Variants in C1GALT1 observed in about 807,000 individuals in gnomAD.
The protein encoded by C1GALT1 is core 1 synthase, glycoprotein-N-acetylgalactosamine 3-beta-galactosyltransferase 1.
A neutral mutation model predicts 31.0 loss-of-function variants in C1GALT1; 11 were observed. The ratio of observed to expected loss-of-function variants is 0.36; its 90% CI spans 0.22 to 0.59. The LOEUF (loss-of-function observed/expected upper bound fraction) is 0.59. Among genes scored for constraint, C1GALT1 ranks in the 20% least tolerant of loss-of-function variants. The probability of loss-of-function intolerance (pLI) is 0.79; values close to 1 mark genes in which losing one functional copy is unlikely to be tolerated. For synonymous variants in C1GALT1, 175 were observed against 143.6 expected, an observed-to-expected ratio of 1.22 and a Z score of -1.56; for missense variants, 424 against 425.2, an observed-to-expected ratio of 1.00 and a Z score of 0.03.
intron 1 of C1GALT1, among the ~76,000 whole-genome samples, chr7:7,196,760 C>T (rs938438011): frequency 2.6e-5 from 4 of 152,190 alleles, no homozygotes; most frequent in Non-Finnish European, 2.9e-5. Flanking sequence ...GCCATTCTAA[C>T]TGGTGTGAAA....
intron 2 of C1GALT1, among the ~76,000 whole-genome samples, chr7:7,167,808 T>C (rs114864902): frequency 6.6e-6 from 1 of 152,162 alleles, no homozygotes; most frequent in African/African-American, 2.4e-5. Flanking sequence ...TTTCTCACCC[T>C]CTCTTTTCCT....
chr7:7,218,104 A>T (rs908931452), intron 1 of C1GALT1, among the ~76,000 whole-genome samples: 2 of 152,180 alleles, frequency 1.3e-5, no homozygotes, highest in African/African-American at 4.8e-5. Context: ...GAGTTAGGAA[A>T]GGGGAGCAGT....
intron 1 of C1GALT1, among the ~76,000 whole-genome samples, chr7:7,227,468 C>G (rs934092891): frequency 6.6e-6 from 1 of 152,274 alleles, no homozygotes; most frequent in African/African-American, 2.4e-5. Context: ...CGCCTGTAAT[C>G]CCAGCACTTT....
chr7:7,182,184 C>G (rs933174487), upstream of C1GALT1, among the ~76,000 whole-genome samples: 1 of 152,156 alleles, frequency 6.6e-6, no homozygotes, highest in African/African-American at 2.4e-5. Flanking sequence ...GGGTTAAGAG[C>G]AGGCTACAGG....
chr7:7,234,325 C>G lies in C1GALT1; in HGVS notation c.6C>G (p.Ala2=), dbSNP rs1783234952. The change falls in exon 2 of 4, where the codon GCC becomes GCG. Residue 2 remains alanine, a synonymous_variant. Coordinates refer to ENST00000436587, the MANE Select transcript of C1GALT1 (RefSeq NM_020156.5). The stretch of plus-strand genomic sequence containing the variant: ...CAGAAATACACTTTCGGGAAATGGC[C>G]TCTAAATCCTGGCTGAATTTTTTAA... The part of the protein sequence containing the change: M[A]SKSWLNFLTF... 1.9e-6 allele frequency: 3 copies of G among 1,613,274 alleles called. No homozygotes were observed. In the South Asian group the frequency reaches 3.3e-5, roughly 18 times the overall value.
intron 1 of C1GALT1, among the ~76,000 whole-genome samples, chr7:7,227,588 C>T (rs888652985): frequency 3.3e-5 from 5 of 151,366 alleles, no homozygotes; most frequent in East Asian, 1.9e-4. Context: ...GGCGTAGTGG[C>T]GGGCGCCTGT....
intron 1 of C1GALT1, among the ~76,000 whole-genome samples, chr7:7,200,329 G>A (rs9718646): frequency 6.6e-6 from 1 of 152,124 alleles, no homozygotes; most frequent in Non-Finnish European, 1.5e-5. Flanking sequence ...TGAAATTCTG[G>A]GTTAGAAATT....
chr7:7,214,402 C>T (rs59107518), intron 1 of C1GALT1, among the ~76,000 whole-genome samples: 4,228 of 152,124 alleles, frequency 0.028, 168 homozygotes, highest in African/African-American at 0.095. Context: ...TGAGGAGAGC[C>T]TTTTTCCAGA....
chr7:7,227,891 C>T lies in C1GALT1; in HGVS notation c.-17-6412C>T, dbSNP rs189913567. ...CTTTGGCCTTGGACTTTCTAGCCTC[C>T]GTAACTGTAAGAAATAAATGCTTTC... On this transcript the variant is annotated intron_variant, in intron 1 of 3. Transcript: ENST00000436587. Among the ~76,000 whole-genome samples the T allele has an allele frequency of 1.1e-3, 161 of 152,238 alleles. 1 individual carries two copies. Among genetic ancestry groups the T allele is most frequent in the Middle Eastern group, 0.01 (3 of 294 alleles).
chr7:7,181,055 A>G (rs1175620999), upstream of C1GALT1, among the ~76,000 whole-genome samples: 2 of 152,336 alleles, frequency 1.3e-5, no homozygotes, highest in Middle Eastern at 3.4e-3. Flanking sequence ...TGCTCAATGG[A>G]AAAAAGTGTT....
At chr7:7,163,242 G>A (rs1780356556) in intron 2 of C1GALT1, among the ~76,000 whole-genome samples, 1 of 152,084 alleles carries the variant, frequency 6.6e-6, no homozygotes, top group Non-Finnish European at 1.5e-5. Context: ...GGTTTTTATG[G>A]TTTTAGGTCT....
Position 7,226,319 on chromosome 7 carries a change from A to G in C1GALT1, c.-17-7984A>G, listed in dbSNP as rs536817897. 1.6e-4 allele frequency among the ~76,000 whole-genome samples: 25 copies of G among 152,324 alleles called. 1 individual carries two copies. Among genetic ancestry groups the G allele is most frequent in the Admixed American group, 1.4e-3 (22 of 15,306 alleles). On this transcript the variant is annotated intron_variant, in intron 1 of 3. Coordinates refer to ENST00000436587, the MANE Select transcript of C1GALT1 (RefSeq NM_020156.5). The stretch of plus-strand genomic sequence containing the variant: ...TGCCATAATCCAGAGCAAAATTAGA[A>G]GTACCTGATTGTCACCTTGGCAAAA...
intron 1 of C1GALT1, among the ~76,000 whole-genome samples, chr7:7,195,680 A>C (rs1781254773): frequency 6.6e-6 from 1 of 152,120 alleles, no homozygotes; most frequent in Non-Finnish European, 1.5e-5. Flanking sequence ...ATGTCTGTTA[A>C]GTCAATTTGT....
chr7:7,231,985 T>A (rs1158072119), intron 1 of C1GALT1, among the ~76,000 whole-genome samples: 1 of 152,244 alleles, frequency 6.6e-6, no homozygotes, highest in Non-Finnish European at 1.5e-5. Flanking sequence ...TTCAGAGTCC[T>A]TGATAAGAGC....
intron 1 of C1GALT1, among the ~76,000 whole-genome samples, chr7:7,189,792 C>T (rs904468053): frequency 6.6e-6 from 1 of 151,968 alleles, no homozygotes; most frequent in African/African-American, 2.4e-5. Flanking sequence ...TATTTTCTTC[C>T]AGTTTTGTTT....
At chr7:7,211,450 C>G (rs183866932) in intron 1 of C1GALT1, among the ~76,000 whole-genome samples, 1 of 152,178 alleles carries the variant, frequency 6.6e-6, no homozygotes, top group Non-Finnish European at 1.5e-5. Context: ...GTAAAACTTT[C>G]ATGCTTCCTT....
intron 1 of C1GALT1, among the ~76,000 whole-genome samples, chr7:7,203,983 T>C (rs1280510399): frequency 6.6e-6 from 1 of 152,114 alleles, no homozygotes; most frequent in African/African-American, 2.4e-5. Context: ...TTCCCCTTCT[T>C]GGTTTCTACT....
chr7:7,196,593 T>C (rs1353004065), intron 1 of C1GALT1, among the ~76,000 whole-genome samples: 1 of 152,208 alleles, frequency 6.6e-6, no homozygotes, highest in African/African-American at 2.4e-5. Flanking sequence ...ATGGGATGGC[T>C]GGGACAAATG....
chr7:7,185,427 C>T (rs1420228518), intron 1 of C1GALT1, among the ~76,000 whole-genome samples: 2 of 152,156 alleles, frequency 1.3e-5, no homozygotes, highest in South Asian at 2.1e-4. Flanking sequence ...TTTAAAACAA[C>T]AGATTTATTG....
Sources: allele counts gnomAD v4.1 joint callset (sites outside exome capture counted in the v4.1 genomes callset), GRCh38; gene constraint gnomAD v4.1.1; transcripts MANE v1.5; gene names NCBI Gene and HGNC (gene_info 2026-07-23, HGNC 2026-07-21).